The following STARD13 variants were observed in gnomAD, a reference collection of about 807,000 sequenced individuals.
STARD13 encodes the protein stAR-related lipid transfer protein 13.
In STARD13, 62 loss-of-function variants were observed where a neutral mutation model predicts 106.4. The observed-to-expected ratio is 0.58, with a 90% CI of 0.48 to 0.72. The LOEUF (loss-of-function observed/expected upper bound fraction) is 0.72, where lower values mean the gene tolerates loss of function less well. Among genes scored for constraint, STARD13 ranks in the 30% least tolerant of loss-of-function variants. The probability of loss-of-function intolerance (pLI) is 0.00; values close to 1 mark genes in which losing one functional copy is unlikely to be tolerated. For missense variants in STARD13, 1,387 were observed against 1,424.0 expected (o/e 0.97, Z 0.42); for synonymous variants, 565 against 553.0 (o/e 1.02, Z -0.31).
the STARD13 span, among the ~76,000 whole-genome samples, chr13:33,401,332 C>A: frequency 1.3e-5 from 2 of 152,148 alleles, no homozygotes; most frequent in Non-Finnish European, 2.9e-5. Context: ...GAGAATGCAC[C>A]TTGCAGACTT....
At chr13:33,112,121 G>A (rs945061931) in intron 9 of STARD13, among the ~76,000 whole-genome samples, 3 of 152,190 alleles carry the variant, frequency 2.0e-5, no homozygotes, top group African/African-American at 7.2e-5. Flanking sequence ...AAGAACAGCA[G>A]GGGACAAAAT....
chr13:33,482,070 A>G, the STARD13 span, among the ~76,000 whole-genome samples: 1 of 152,110 alleles, frequency 6.6e-6, no homozygotes, highest in African/African-American at 2.4e-5. Context: ...AATTGTAGGT[A>G]TCACAATGAC....
chr13:33,301,769 C>G (rs546887925), intron 1 of STARD13, among the ~76,000 whole-genome samples: 22 of 151,944 alleles, frequency 1.4e-4, no homozygotes, highest in Non-Finnish European at 2.6e-4. Flanking sequence ...AGGGTTTCAC[C>G]GTGTTAGCCA....
At chr13:33,239,972 A>G (rs1889386721) in intron 1 of STARD13, among the ~76,000 whole-genome samples, 1 of 152,114 alleles carries the variant, frequency 6.6e-6, no homozygotes, top group East Asian at 1.9e-4. Flanking sequence ...TTGCAAATCC[A>G]ATGTCATTAA....
the STARD13 span, among the ~76,000 whole-genome samples, chr13:33,604,103 TAACA>T: frequency 6.6e-6 from 1 of 152,118 alleles, no homozygotes; most frequent in East Asian, 1.9e-4. Context: ...ACAGATTAAA[TAACA>T]AAGTCAGAAC....
chr13:33,257,517 G>T (rs924890656), intron 1 of STARD13, among the ~76,000 whole-genome samples: 1 of 152,160 alleles, frequency 6.6e-6, no homozygotes, highest in Non-Finnish European at 1.5e-5. Flanking sequence ...CACAGCAGCT[G>T]CCTTGGAGCC....
chr13:33,646,704 G>C, the STARD13 span, among the ~76,000 whole-genome samples: 8 of 151,982 alleles, frequency 5.3e-5, no homozygotes, highest in Admixed American at 4.6e-4. Context: ...TGAAATTTAG[G>C]TCAACTGTAA....
intron 1 of STARD13, among the ~76,000 whole-genome samples, chr13:33,283,848 T>A (rs1300807640): frequency 6.6e-6 from 1 of 152,190 alleles, no homozygotes; most frequent in African/African-American, 2.4e-5. Context: ...ATAACCCTCA[T>A]TCCAAAAAGA....
chr13:33,239,075 T>C (rs1001931937), intron 1 of STARD13, among the ~76,000 whole-genome samples: 3 of 152,010 alleles, frequency 2.0e-5, no homozygotes, highest in African/African-American at 7.2e-5. Flanking sequence ...CTACTTTCTG[T>C]GACTATGAGT....
the STARD13 span, among the ~76,000 whole-genome samples, chr13:33,651,675 G>T: frequency 6.6e-6 from 1 of 152,212 alleles, no homozygotes; most frequent in East Asian, 1.9e-4. Flanking sequence ...ATTCCTTGGT[G>T]TTACTCTCAT....
At chr13:33,356,139 GTCTTACAAATT>G in the STARD13 span, among the ~76,000 whole-genome samples, 1 of 152,166 alleles carries the variant, frequency 6.6e-6, no homozygotes, top group Non-Finnish European at 1.5e-5. Flanking sequence ...TTGGGTAAGT[GTCTTACAAATT>G]TCTGATGGCA....
the STARD13 span, among the ~76,000 whole-genome samples, chr13:33,406,626 G>A: frequency 6.6e-6 from 1 of 152,120 alleles, no homozygotes; most frequent in African/African-American, 2.4e-5. Context: ...CATTTTCTCT[G>A]TAAAACTTAC....
chr13:33,639,791 G>A, the STARD13 span, among the ~76,000 whole-genome samples: 52 of 152,194 alleles, frequency 3.4e-4, no homozygotes, highest in African/African-American at 6.8e-4. Flanking sequence ...CCTCACTTCC[G>A]TTTTCTGTAC....
chr13:33,333,193 A>G (rs578182638), intron 1 of STARD13, among the ~76,000 whole-genome samples: 2 of 151,948 alleles, frequency 1.3e-5, no homozygotes, highest in African/African-American at 4.8e-5. Context: ...AGTTCGAGAC[A>G]AGCCTGGCCA....
intron 11 of STARD13, among the ~76,000 whole-genome samples, chr13:33,110,461 C>T (rs1475963827): frequency 2.6e-5 from 4 of 152,012 alleles, no homozygotes; most frequent in Admixed American, 6.6e-5. Flanking sequence ...CACACAGCTA[C>T]GGGGGAGAGA....
chr13:33,531,100 T>C, the STARD13 span, among the ~76,000 whole-genome samples: 2 of 152,136 alleles, frequency 1.3e-5, no homozygotes, highest in African/African-American at 4.8e-5. Flanking sequence ...TGAATAAGTC[T>C]TATGAGATCT....
At chr13:33,214,274 A>G (rs1251154883) in intron 1 of STARD13, among the ~76,000 whole-genome samples, 5 of 152,178 alleles carry the variant, frequency 3.3e-5, no homozygotes, top group Non-Finnish European at 7.3e-5. Context: ...TCTAACAATA[A>G]CTTTACATGA....
chr13:33,528,169 T>TTATATATATATATATA, the STARD13 span, among the ~76,000 whole-genome samples: 12 of 129,048 alleles, frequency 9.3e-5, no homozygotes, highest in African/African-American at 3.9e-4. Context: ...TAAGCTAATA[T>TTATATATATATATATA]TATATATATA....
chr13:33,656,030 C>G, the STARD13 span, among the ~76,000 whole-genome samples: 1 of 152,208 alleles, frequency 6.6e-6, no homozygotes, highest in African/African-American at 2.4e-5. Context: ...CTCCTCCCCA[C>G]CTTTCTACTT....
Sources: allele counts gnomAD v4.1 joint callset (sites outside exome capture counted in the v4.1 genomes callset), GRCh38; gene constraint gnomAD v4.1.1; transcripts MANE v1.5; gene names NCBI Gene and HGNC (gene_info 2026-07-23, HGNC 2026-07-21).